The following TBXAS1 variants were observed in gnomAD, a reference collection of about 807,000 sequenced individuals.
The protein encoded by TBXAS1 is thromboxane-A synthase.
Under a neutral mutation model 60.7 loss-of-function variants are expected in TBXAS1, and 48 were observed. The ratio of observed to expected loss-of-function variants is 0.79; its 90% CI spans 0.63 to 1.01. The LOEUF (loss-of-function observed/expected upper bound fraction) is 1.01, where lower values mean the gene tolerates loss of function less well. Ranked by LOEUF, TBXAS1 falls within the 50% of genes least tolerant of loss-of-function variation. The pLI is 0.00. For synonymous variants in TBXAS1, 287 were observed against 269.7 expected (o/e 1.06, Z -0.63); for missense variants, 685 against 686.3 (o/e 1.00, Z 0.02).
At chr7:139,833,072 CA>C (rs1410637004) in intron 1 of TBXAS1, among the ~76,000 whole-genome samples, 1 of 151,966 alleles carries the variant, frequency 6.6e-6, no homozygotes. Context: ...AAGCAAAAAA[CA>C]ACAACAACAA....
chr7:139,912,444 G>A (rs79277438), intron 4 of TBXAS1, among the ~76,000 whole-genome samples: 3,948 of 152,214 alleles, frequency 0.026, 168 homozygotes, highest in African/African-American at 0.09. Flanking sequence ...AACCATTTTT[G>A]GGGGGTTCCA....
At chr7:139,858,581 G>A (rs1800744148) in intron 1 of TBXAS1, among the ~76,000 whole-genome samples, 1 of 152,180 alleles carries the variant, frequency 6.6e-6, no homozygotes, top group Admixed American at 6.5e-5. Flanking sequence ...GTGCCACAGA[G>A]CAAGGGCATG....
At chr7:139,913,365 A>G (rs41316459) in intron 4 of TBXAS1, 25,548 of 539,746 alleles carry the variant, frequency 0.047, 1,157 homozygotes, top group South Asian at 0.15. Flanking sequence ...AGAAGCCAAT[A>G]AGTCAAAGTG....
rs3831720 is a variant in TBXAS1, at chr7:140,011,836, C to CTATATATATATATATATATATATATATA, written c.1227-3872_1227-3871insATATATATATATATATATATATATATAT. 5.3e-5 allele frequency among the ~76,000 whole-genome samples: 8 copies of CTATATATATATATATATATATATATATA among 150,522 alleles called. No homozygotes were observed. The South Asian group carries it at 1.7e-3, about 32-fold the overall frequency. On this transcript the variant is annotated intron_variant, in intron 10 of 12. Transcript: ENST00000448866. ...TGGTTCAAATGGTCCATTTTATGTTCTATATATATATATATCCACAATGAA... is the reference window on the plus strand; with the variant it reads ...TGGTTCAAATGGTCCATTTTATGTTCTATATATATATATATATATATATATATATATATATATATATATCCACAATGAA...
At chr7:139,875,536 T>A in intron 2 of TBXAS1, 49 bp from the exon 3 acceptor site, 1 of 1,513,068 alleles carries the variant, frequency 6.6e-7, no homozygotes, top group Middle Eastern at 1.7e-4. Context: ...TTTGAATAAT[T>A]GGAATTTTGC....
intron 9 of TBXAS1, among the ~76,000 whole-genome samples, chr7:139,986,809 A>G (rs75928028): frequency 0.32 from 14,396 of 45,210 alleles, 1,355 homozygotes; most frequent in East Asian, 0.57. Flanking sequence ...GTATATATAT[A>G]TATATATACA....
At chr7:139,966,595 C>G (rs1050409994) in intron 9 of TBXAS1, among the ~76,000 whole-genome samples, 4 of 152,234 alleles carry the variant, frequency 2.6e-5, no homozygotes, top group African/African-American at 9.6e-5. Context: ...CAGTGAGGTA[C>G]CAACTTGAAA....
At chr7:139,988,330 C>T (rs761080637) in intron 9 of TBXAS1, among the ~76,000 whole-genome samples, 18 of 152,236 alleles carry the variant, frequency 1.2e-4, no homozygotes, top group Non-Finnish European at 1.9e-4. Flanking sequence ...CCACCTGCCC[C>T]GTCAAGGCCC....
intron 5 of TBXAS1, among the ~76,000 whole-genome samples, chr7:139,946,998 GAGA>G (rs1226216157): frequency 2.0e-5 from 3 of 152,336 alleles, no homozygotes; most frequent in South Asian, 2.1e-4. Context: ...AAAAGGAGAG[GAGA>G]AGAAGACCTT....
chr7:140,006,421 C>T (rs181604345), intron 9 of TBXAS1, among the ~76,000 whole-genome samples: 18 of 152,286 alleles, frequency 1.2e-4, no homozygotes, highest in Admixed American at 1.1e-3. Context: ...ATCTAATCAG[C>T]ATTTTCCAGC....
intron 9 of TBXAS1, among the ~76,000 whole-genome samples, chr7:139,984,640 G>GAGAGAGAA (rs1007635035): frequency 8.0e-5 from 8 of 99,860 alleles, no homozygotes; most frequent in African/African-American, 1.5e-4. Flanking sequence ...GAGAGAGAGA[G>GAGAGAGAA]AGAAAGAAAG....
intron 3 of TBXAS1, among the ~76,000 whole-genome samples, chr7:139,900,199 A>G (rs1804458393): frequency 6.6e-6 from 1 of 152,180 alleles, no homozygotes; most frequent in African/African-American, 2.4e-5. Context: ...CAAACACCCC[A>G]TACTTTAATT....
intron 4 of TBXAS1, among the ~76,000 whole-genome samples, chr7:139,789,074 G>A (rs1797292643): frequency 1.3e-5 from 2 of 152,156 alleles, no homozygotes; most frequent in African/African-American, 2.4e-5. Context: ...CACCAGTCTG[G>A]TAAATGGAGG....
intron 3 of TBXAS1, among the ~76,000 whole-genome samples, chr7:139,898,075 T>C (rs970370010): frequency 6.6e-6 from 1 of 152,198 alleles, no homozygotes; most frequent in African/African-American, 2.4e-5. Context: ...GGAGCGCCTG[T>C]GAGTCAAATG....
intron 5 of TBXAS1, among the ~76,000 whole-genome samples, chr7:139,944,346 G>C (rs1210689842): frequency 6.6e-6 from 1 of 152,210 alleles, no homozygotes; most frequent in Non-Finnish European, 1.5e-5. Context: ...CTGGAACACA[G>C]AGTACATGTA....
intron 1 of TBXAS1, among the ~76,000 whole-genome samples, chr7:139,868,989 G>A (rs1801632962): frequency 6.6e-6 from 1 of 151,876 alleles, no homozygotes; most frequent in African/African-American, 2.4e-5. Context: ...GTAGAGGTGA[G>A]GGTCTTGCTG....
intron 3 of TBXAS1, among the ~76,000 whole-genome samples, chr7:139,886,982 A>G (rs1803163413): frequency 6.6e-6 from 1 of 152,162 alleles, no homozygotes; most frequent in African/African-American, 2.4e-5. Flanking sequence ...CTTTATCTCC[A>G]ATCTGGAATG....
At chr7:139,891,086 G>A (rs1202436709) in intron 3 of TBXAS1, among the ~76,000 whole-genome samples, 3 of 151,936 alleles carry the variant, frequency 2.0e-5, no homozygotes, top group African/African-American at 7.3e-5. Context: ...GACATGCCAC[G>A]GATGCCTGTA....
At chr7:139,840,868 A>C (rs1799391260) in intron 1 of TBXAS1, among the ~76,000 whole-genome samples, 2 of 152,150 alleles carry the variant, frequency 1.3e-5, no homozygotes. Context: ...GTCCCTCACC[A>C]TCCATAGGAA....
Sources: gnomAD v4.1 joint callset for allele counts (sites outside exome capture counted in the v4.1 genomes callset) on GRCh38, gnomAD v4.1.1 for gene constraint, MANE v1.5 for transcripts, NCBI Gene and HGNC (gene_info 2026-07-23, HGNC 2026-07-21) for gene names.